PDE6A: variants seen among roughly 807,000 people sequenced by gnomAD.
The protein encoded by PDE6A is phosphodiesterase 6A.
In PDE6A, 84 loss-of-function variants were observed where a neutral mutation model predicts 106.3. The observed-to-expected ratio is 0.79, with a 90% confidence interval of 0.66 to 0.95. PDE6A has a LOEUF of 0.95. Among genes scored for constraint, PDE6A ranks in the 40% least tolerant of loss-of-function variants. The probability of loss-of-function intolerance (pLI) is 0.00; values close to 1 mark genes in which losing one functional copy is unlikely to be tolerated. For synonymous variants in PDE6A, 394 were observed against 386.6 expected (o/e 1.02, Z -0.23); for missense variants, 1,052 against 1,084.9 (o/e 0.97, Z 0.43).
At chr5:149,928,412 AT>A (rs1424049943) in intron 4 of PDE6A, among the ~76,000 whole-genome samples, 1 of 149,746 alleles carries the variant, frequency 6.7e-6, no homozygotes, top group East Asian at 2.0e-4. Flanking sequence ...TAATTTTTTT[AT>A]TTTTAGTAGA....
At chr5:149,877,494 C>T (rs1474822089) in intron 17 of PDE6A, among the ~76,000 whole-genome samples, 1 of 152,174 alleles carries the variant, frequency 6.6e-6, no homozygotes, top group Non-Finnish European at 1.5e-5. Context: ...ACTGCAACCT[C>T]TGCCTCCCAG....
Position 149,934,684 on chromosome 5 carries a change from G to C in PDE6A, c.509C>G (p.Thr170Arg). ...EHFCDFVDILTEYKTKNILAS... is the reference protein window; with the variant it reads ...EHFCDFVDILREYKTKNILAS... ...CAAGATGTTCTTGGTCTTGTACTCT[G>C]TGAGGATGTCCACAAAGTCACAGAA... The change falls in exon 2 of 22, where the codon ACA becomes AGA. Residue 170 changes from threonine (T) to arginine (R), a missense_variant. Transcript: ENST00000255266. The C allele has an allele frequency of 6.2e-7, 1 of 1,614,038 alleles. No homozygotes were observed. The highest frequency in any genetic ancestry group is 8.5e-7 in the Non-Finnish European group (1 of 1,180,002).
intron 4 of PDE6A, among the ~76,000 whole-genome samples, chr5:149,929,410 T>A (rs1305895439): frequency 6.6e-6 from 1 of 151,958 alleles, no homozygotes; most frequent in East Asian, 1.9e-4. Flanking sequence ...ATTGAGACCA[T>A]CCTGGCTAAA....
At chr5:149,924,673 G>C (rs1359300680) in intron 4 of PDE6A, among the ~76,000 whole-genome samples, 1 of 152,190 alleles carries the variant, frequency 6.6e-6, no homozygotes. Flanking sequence ...TCTGGACTGT[G>C]TGTATGTGTA....
chr5:149,917,248 C>G (rs1167626169), intron 5 of PDE6A, among the ~76,000 whole-genome samples: 1 of 151,930 alleles, frequency 6.6e-6, no homozygotes, highest in African/African-American at 2.4e-5. Context: ...CTGCACTCCC[C>G]TTTCTTGAGT....
At chr5:149,897,682 G>T (rs908357349) in intron 10 of PDE6A, among the ~76,000 whole-genome samples, 8 of 152,162 alleles carry the variant, frequency 5.3e-5, no homozygotes, top group African/African-American at 1.9e-4. Flanking sequence ...ATGGGCTCAG[G>T]TGATCCTCCC....
chr5:149,914,950 C>CT lies in PDE6A; in HGVS notation c.990dup (p.Val331SerfsTer8). 6.2e-7 allele frequency: 1 copy of CT among 1,605,072 alleles called. No individual in the cohort carries two copies. The highest frequency in any genetic ancestry group is 1.7e-5 in the Admixed American group (1 of 59,778). On this transcript the variant is annotated frameshift_variant, in exon 6 of 22. Transcript: ENST00000255266. LOFTEE classifies it high-confidence loss of function. ...TTGACAGGTGAAACTTACGGGATGA[C>CT]TTTGATGTCCTCTTTGCCATGCAGG...
intron 1 of PDE6A, among the ~76,000 whole-genome samples, chr5:149,936,362 G>A (rs901936956): frequency 6.6e-6 from 1 of 152,264 alleles, no homozygotes; most frequent in African/African-American, 2.4e-5. Flanking sequence ...TAACATTTGA[G>A]GATTAAGCAA....
At chr5:149,935,715 ATCC>A (rs1406096285) in intron 1 of PDE6A, among the ~76,000 whole-genome samples, 4 of 152,208 alleles carry the variant, frequency 2.6e-5, no homozygotes, top group Non-Finnish European at 5.9e-5. Context: ...ATTTACAAGA[ATCC>A]TCCTTTCTGT....
chr5:149,887,240 C>T (rs1007883079), intron 13 of PDE6A, among the ~76,000 whole-genome samples: 1 of 152,142 alleles, frequency 6.6e-6, no homozygotes, highest in African/African-American at 2.4e-5. Flanking sequence ...CACTATGCAG[C>T]CACAAAATTG....
At chr5:149,876,087 A>T (rs908072744) in intron 17 of PDE6A, among the ~76,000 whole-genome samples, 1 of 152,172 alleles carries the variant, frequency 6.6e-6, no homozygotes, top group Admixed American at 6.5e-5. Flanking sequence ...TATTGAAATT[A>T]TGTAATTAAA....
intron 7 of PDE6A, among the ~76,000 whole-genome samples, chr5:149,905,695 G>A (rs1015488667): frequency 2.0e-5 from 3 of 152,190 alleles, no homozygotes; most frequent in African/African-American, 4.8e-5. Context: ...CTCATGGTAA[G>A]CACCCAGTGG....
At chr5:149,886,787 C>T (rs558799175) in intron 13 of PDE6A, among the ~76,000 whole-genome samples, 9 of 152,314 alleles carry the variant, frequency 5.9e-5, no homozygotes, top group South Asian at 4.1e-4. Context: ...ATCTTCCAAA[C>T]GTGGTCTACT....
At chr5:149,918,000 G>T (rs1753603788) in intron 5 of PDE6A, among the ~76,000 whole-genome samples, 1 of 152,124 alleles carries the variant, frequency 6.6e-6, no homozygotes, top group Non-Finnish European at 1.5e-5. Context: ...GGAACTCTAA[G>T]GTTCTAAGGA....
chr5:149,883,124 T>A (rs1165489336), intron 17 of PDE6A, among the ~76,000 whole-genome samples: 2 of 152,172 alleles, frequency 1.3e-5, no homozygotes, highest in African/African-American at 4.8e-5. Context: ...TATCAAAAAC[T>A]TAAAAGTTAT....
chr5:149,909,446 T>C (rs1255674660), intron 6 of PDE6A, among the ~76,000 whole-genome samples: 1 of 152,270 alleles, frequency 6.6e-6, no homozygotes, highest in Non-Finnish European at 1.5e-5. Context: ...CTCTTTTTTA[T>C]TCCAGATTAT....
chr5:149,868,659 G>A (rs766430566), intron 17 of PDE6A, among the ~76,000 whole-genome samples: 1 of 151,760 alleles, frequency 6.6e-6, no homozygotes, highest in Admixed American at 6.6e-5. Context: ...TCTCATCATT[G>A]TTCCCTGCCC....
At position 149,930,893 on chromosome 5, in the gene PDE6A, T is replaced by C. The variant is rs142593615; in HGVS notation, c.858+135A>G. 420 of 865,866 alleles carry C rather than the reference T, an allele frequency of 4.9e-4. 1 individual carries two copies. In the African/African-American group the frequency reaches 6.0e-3, roughly 12 times the overall value. 53.6% of individuals were successfully genotyped at this position (865,866 alleles called of 1,614,324 possible). On this transcript the variant is annotated intron_variant, in intron 4 of 21. Coordinates refer to ENST00000255266, the MANE Select transcript of PDE6A (RefSeq NM_000440.3). ...GCTGATACTCCTCAGTAGAGACCTATGTAAGACTTTCTACAACCATCCCAA... is the reference window on the plus strand; with the variant it reads ...GCTGATACTCCTCAGTAGAGACCTACGTAAGACTTTCTACAACCATCCCAA...
intron 17 of PDE6A, among the ~76,000 whole-genome samples, chr5:149,869,245 G>T (rs923813769): frequency 4.6e-5 from 7 of 151,398 alleles, no homozygotes; most frequent in African/African-American, 9.7e-5. Context: ...CAGGAGAATC[G>T]CTTGAACTCG....
Sources: allele counts gnomAD v4.1 joint callset (sites outside exome capture counted in the v4.1 genomes callset), GRCh38; gene constraint gnomAD v4.1.1; transcripts MANE v1.5; gene names NCBI Gene and HGNC (gene_info 2026-07-23, HGNC 2026-07-21).